CATSPERT: variants seen among roughly 807,000 people sequenced by gnomAD.
The protein encoded by CATSPERT is catsper channel auxiliary subunit tau.
chr2:201,521,082 A>G, the CATSPERT span, among the ~76,000 whole-genome samples: 1 of 152,174 alleles, frequency 6.6e-6, no homozygotes, highest in South Asian at 2.1e-4. Flanking sequence ...GACCAATAAG[A>G]AGTAATGAGA....
At chr2:201,609,869 T>G in the CATSPERT span, among the ~76,000 whole-genome samples, 1 of 148,858 alleles carries the variant, frequency 6.7e-6, no homozygotes, top group Non-Finnish European at 1.5e-5. Flanking sequence ...ATAGAACCTT[T>G]AAAAAGTACA....
the CATSPERT span, among the ~76,000 whole-genome samples, chr2:201,568,747 T>C: frequency 1.3e-5 from 2 of 152,230 alleles, no homozygotes; most frequent in Non-Finnish European, 2.9e-5. Flanking sequence ...TGCTTTCAGT[T>C]TACTACTTTC....
chr2:201,615,087 A>G, the CATSPERT span, among the ~76,000 whole-genome samples: 1 of 152,160 alleles, frequency 6.6e-6, no homozygotes, highest in Admixed American at 6.5e-5. Context: ...AGAGACTTAG[A>G]CTCCCACACA....
At chr2:201,503,021 TA>T in the CATSPERT span, among the ~76,000 whole-genome samples, 1 of 152,160 alleles carries the variant, frequency 6.6e-6, no homozygotes, top group Non-Finnish European at 1.5e-5. Context: ...CTATTTCAGA[TA>T]TTTTTTATCT....
chr2:201,513,273 G>T, the CATSPERT span, among the ~76,000 whole-genome samples: 1 of 151,980 alleles, frequency 6.6e-6, no homozygotes, highest in Non-Finnish European at 1.5e-5. Context: ...GTGAGGAAAA[G>T]ACATGAATAG....
chr2:201,501,303 CA>C, the CATSPERT span, among the ~76,000 whole-genome samples: 1 of 140,906 alleles, frequency 7.1e-6, no homozygotes, highest in Non-Finnish European at 1.5e-5. Flanking sequence ...GAGGCTGAGG[CA>C]GAATTGCTTG....
At chr2:201,555,190 ACT>A in the CATSPERT span, 1 of 152,100 alleles carries the variant, frequency 6.6e-6, no homozygotes, top group Non-Finnish European at 1.5e-5. Context: ...ATTATAACAC[ACT>A]CTATTTGTTT....
chr2:201,496,297 C>T, the CATSPERT span, among the ~76,000 whole-genome samples: 1 of 152,108 alleles, frequency 6.6e-6, no homozygotes, highest in South Asian at 2.1e-4. Context: ...GATGCCTTTA[C>T]ACAATACATG....
At chr2:201,612,600 G>T in the CATSPERT span, among the ~76,000 whole-genome samples, 1 of 78,260 alleles carries the variant, frequency 1.3e-5, no homozygotes, top group Non-Finnish European at 2.8e-5. Context: ...AAAAAAAAAA[G>T]CCAAGATAGC....
At chr2:201,507,561 TAA>T in the CATSPERT span, among the ~76,000 whole-genome samples, 15 of 152,322 alleles carry the variant, frequency 9.8e-5, no homozygotes, top group South Asian at 1.2e-3. Context: ...TAAATGAATT[TAA>T]AGTTATAGTA....
chr2:201,511,108 CTAT>C, the CATSPERT span, among the ~76,000 whole-genome samples: 1 of 152,138 alleles, frequency 6.6e-6, no homozygotes, highest in South Asian at 2.1e-4. Flanking sequence ...TATCAGTGGA[CTAT>C]TATTTTGTGC....
the CATSPERT span, among the ~76,000 whole-genome samples, chr2:201,598,351 T>C: frequency 6.6e-6 from 1 of 152,120 alleles, no homozygotes; most frequent in African/African-American, 2.4e-5. Context: ...GCATTCCTCC[T>C]GCTTTGGCCT....
chr2:201,601,931 C>A, the CATSPERT span: 2 of 1,377,438 alleles, frequency 1.5e-6, no homozygotes, highest in Non-Finnish European at 2.0e-6. Context: ...TGTAATTGAA[C>A]AATAATACAT....
chr2:201,524,086 A>C, the CATSPERT span, among the ~76,000 whole-genome samples: 1 of 152,162 alleles, frequency 6.6e-6, no homozygotes, highest in African/African-American at 2.4e-5. Context: ...ATTGTCCACA[A>C]AATATATAAT....
the CATSPERT span, among the ~76,000 whole-genome samples, chr2:201,578,113 A>C: frequency 5.3e-5 from 8 of 152,174 alleles, no homozygotes; most frequent in South Asian, 6.2e-4. Flanking sequence ...TAATATTAGA[A>C]ACATACTACA....
At chr2:201,504,847 A>C in the CATSPERT span, among the ~76,000 whole-genome samples, 1 of 152,236 alleles carries the variant, frequency 6.6e-6, no homozygotes, top group East Asian at 1.9e-4. Flanking sequence ...GGTCAGGAGA[A>C]ATAAAGTGGA....
the CATSPERT span, among the ~76,000 whole-genome samples, chr2:201,529,029 A>C: frequency 6.6e-6 from 1 of 152,136 alleles, no homozygotes; most frequent in Non-Finnish European, 1.5e-5. Flanking sequence ...TAAAATACCT[A>C]GGAATAAATT....
At chr2:201,512,409 T>A in the CATSPERT span, among the ~76,000 whole-genome samples, 1 of 152,158 alleles carries the variant, frequency 6.6e-6, no homozygotes, top group African/African-American at 2.4e-5. Context: ...CAAGGACCTC[T>A]AATATCCTTT....
At chr2:201,554,427 C>T in the CATSPERT span, 2 of 152,080 alleles carry the variant, frequency 1.3e-5, no homozygotes, top group Non-Finnish European at 2.9e-5. Flanking sequence ...ATGCCAGTGA[C>T]ACGATATTCT....
Sources: allele counts gnomAD v4.1 joint callset (sites outside exome capture counted in the v4.1 genomes callset), GRCh38; gene constraint gnomAD v4.1.1; transcripts MANE v1.5; gene names NCBI Gene and HGNC (gene_info 2026-07-23, HGNC 2026-07-21).